The following LUZP2 variants were observed in gnomAD, a reference collection of about 807,000 sequenced individuals.
LUZP2 encodes leucine zipper protein 2.
LUZP2 carries 52 observed loss-of-function variants against 51.6 expected under a neutral mutation model. The observed-to-expected ratio is 1.01, with a 90% confidence interval of 0.81 to 1.27. The LOEUF (loss-of-function observed/expected upper bound fraction) is 1.27. Among genes scored for constraint, LUZP2 ranks in the 50% most tolerant of loss-of-function variants. LUZP2 has a pLI of 0.00. For missense variants in LUZP2, 436 were observed against 395.4 expected (o/e 1.10, Z -0.87); for synonymous variants, 154 against 137.3 (o/e 1.12, Z -0.85).
At position 24,728,498 on chromosome 11, in the gene LUZP2, T is replaced by G. The variant is rs537721999; in HGVS notation, c.63-671T>G. 4.6e-5 allele frequency among the ~76,000 whole-genome samples: 7 copies of G among 152,116 alleles called. 1 individual carries two copies. In the East Asian group the frequency reaches 9.7e-4, roughly 21 times the overall value. ...TAACAGTCACCTGTTTTCCTGTTTTTTTCCCTCCTCCCATTCACTCCTGAG... is the reference window on the plus strand; with the variant it reads ...TAACAGTCACCTGTTTTCCTGTTTTGTTCCCTCCTCCCATTCACTCCTGAG... On this transcript the variant is annotated intron_variant, in intron 1 of 11. Transcript: ENST00000336930.
chr11:24,814,198 T>C (rs1850105245), intron 5 of LUZP2, among the ~76,000 whole-genome samples: 2 of 152,246 alleles, frequency 1.3e-5, no homozygotes, highest in South Asian at 4.1e-4. Flanking sequence ...ATCTTTTCCA[T>C]TGTAGAGAAT....
intron 6 of LUZP2, among the ~76,000 whole-genome samples, chr11:24,912,164 C>T (rs1276241619): frequency 6.6e-6 from 1 of 151,298 alleles, no homozygotes; most frequent in Non-Finnish European, 1.5e-5. Flanking sequence ...TCTCTTTCCT[C>T]CTCTTTCCTT....
At chr11:24,523,576 T>G (rs924288241) in intron 1 of LUZP2, among the ~76,000 whole-genome samples, 14 of 150,862 alleles carry the variant, frequency 9.3e-5, no homozygotes, top group African/African-American at 2.7e-4. Context: ...AATATATACA[T>G]TGGTAATGGT....
intron 7 of LUZP2, among the ~76,000 whole-genome samples, chr11:24,933,826 G>C (rs1854522316): frequency 6.6e-6 from 1 of 152,186 alleles, no homozygotes; most frequent in African/African-American, 2.4e-5. Flanking sequence ...TCAAAGGGTG[G>C]TGGGATTATC....
At chr11:24,617,217 T>TA (rs1330565826) in intron 1 of LUZP2, among the ~76,000 whole-genome samples, 1 of 93,090 alleles carries the variant, frequency 1.1e-5, no homozygotes, top group East Asian at 2.0e-4. Context: ...GTTCACTGAT[T>TA]TTTTTTTTCC....
intron 5 of LUZP2, among the ~76,000 whole-genome samples, chr11:24,812,281 C>T (rs1850045555): frequency 6.6e-6 from 1 of 152,048 alleles, no homozygotes; most frequent in South Asian, 2.1e-4. Context: ...CCTTGAGATC[C>T]TTATTTACTG....
chr11:24,874,929 T>C (rs911176410), intron 5 of LUZP2, among the ~76,000 whole-genome samples: 1 of 152,140 alleles, frequency 6.6e-6, no homozygotes, highest in East Asian at 1.9e-4. Context: ...TCTAAAAATA[T>C]ATTTTACTTT....
chr11:24,536,360 T>A (rs1479525038), intron 1 of LUZP2, among the ~76,000 whole-genome samples: 1 of 151,834 alleles, frequency 6.6e-6, no homozygotes, highest in East Asian at 1.9e-4. Context: ...CATTTTCTTC[T>A]AACAGAAGAA....
chr11:24,939,557 A>G (rs1854686633), intron 7 of LUZP2, among the ~76,000 whole-genome samples: 1 of 152,146 alleles, frequency 6.6e-6, no homozygotes, highest in African/African-American at 2.4e-5. Context: ...GGAAGGAAGG[A>G]AGAAAAAAAG....
At position 24,983,294 on chromosome 11, in the gene LUZP2, G is replaced by A. The variant is rs1301125527; in HGVS notation, c.765+1G>A. 6.2e-7 allele frequency: 1 copy of A among 1,610,808 alleles called. No homozygotes were observed. Among genetic ancestry groups the A allele is most frequent in the Non-Finnish European group, 8.5e-7 (1 of 1,178,224 alleles). On this transcript the variant is annotated splice_donor_variant, in intron 9 of 11. Transcript: ENST00000336930. LOFTEE classifies it high-confidence loss of function. ...TCCAGATGCAGCGGCCAAAAGCAAG[G>A]TACCTACCTTTTATTTGCGCTTTGT...
At chr11:24,602,270 A>ATATATGTGTATATGTATATATG in intron 1 of LUZP2, among the ~76,000 whole-genome samples, 1 of 136,552 alleles carries the variant, frequency 7.3e-6, no homozygotes, top group Admixed American at 7.2e-5. Context: ...ATATATGTAC[A>ATATATGTGTATATGTATATATG]TACATATATA....
At chr11:24,551,903 T>C (rs10834383) in intron 1 of LUZP2, among the ~76,000 whole-genome samples, 60,437 of 151,822 alleles carry the variant, frequency 0.4, 12,421 homozygotes, top group Middle Eastern at 0.49. Flanking sequence ...CACCTCCCCA[T>C]ACCCATTAAA....
chr11:24,797,604 G>A (rs936835865), intron 5 of LUZP2, among the ~76,000 whole-genome samples: 1 of 152,148 alleles, frequency 6.6e-6, no homozygotes, highest in Admixed American at 6.6e-5. Flanking sequence ...CCTGCCAGTA[G>A]TAGAAATGCT....
In LUZP2 at chr11:24,679,661, A is replaced by T. The variant is rs749294950; in HGVS notation, c.63-49508A>T. 3.6e-4 allele frequency among the ~76,000 whole-genome samples: 55 copies of T among 152,120 alleles called. 1 individual carries two copies. Among genetic ancestry groups the T allele is most frequent in the Non-Finnish European group, 7.1e-4 (48 of 68,032 alleles). ...TATCATTCTCATTCCTTTTCAAGTG[A>T]CACAATAGTTAGAATTTGTCCCCTA... is the stretch of plus-strand genomic sequence containing the variant. On this transcript the variant is annotated intron_variant, in intron 1 of 11. Coordinates refer to ENST00000336930, the MANE Select transcript of LUZP2 (RefSeq NM_001009909.4).
intron 1 of LUZP2, among the ~76,000 whole-genome samples, chr11:24,506,081 C>G (rs1850138800): frequency 6.6e-6 from 1 of 151,966 alleles, no homozygotes. Context: ...TCCTGGACTT[C>G]TAAAATTAAG....
At chr11:24,804,726 A>C (rs1849802908) in intron 5 of LUZP2, among the ~76,000 whole-genome samples, 1 of 152,176 alleles carries the variant, frequency 6.6e-6, no homozygotes, top group Non-Finnish European at 1.5e-5. Flanking sequence ...TGCCTGCTTC[A>C]GGGGAGAAGG....
chr11:25,009,773 T>G (rs905593776), intron 9 of LUZP2, among the ~76,000 whole-genome samples: 7 of 152,204 alleles, frequency 4.6e-5, no homozygotes, highest in African/African-American at 1.2e-4. Flanking sequence ...AAAATGAATG[T>G]TTTATCTTCA....
At chr11:25,054,438 G>A (rs1043446037) in intron 10 of LUZP2, among the ~76,000 whole-genome samples, 3 of 151,802 alleles carry the variant, frequency 2.0e-5, no homozygotes, top group Non-Finnish European at 4.4e-5. Flanking sequence ...CTCATATAAC[G>A]TGTGTGCTTT....
intron 2 of LUZP2, 70 bp from the exon 3 acceptor site, chr11:24,732,048 A>C: frequency 8.3e-7 from 1 of 1,208,944 alleles, no homozygotes. Flanking sequence ...CTAGTACTCT[A>C]GAACCAAAGT....
Sources: allele counts gnomAD v4.1 joint callset (sites outside exome capture counted in the v4.1 genomes callset), GRCh38; gene constraint gnomAD v4.1.1; transcripts MANE v1.5; gene names NCBI Gene and HGNC (gene_info 2026-07-23, HGNC 2026-07-21).